The following DOCK2 variants were observed in gnomAD, a reference collection of about 807,000 sequenced individuals.
DOCK2 encodes the protein dedicator of cytokinesis 2.
DOCK2 carries 87 observed loss-of-function variants against 248.9 expected under a neutral mutation model. The observed-to-expected ratio is 0.35, with a 90% CI of 0.29 to 0.42. The LOEUF (loss-of-function observed/expected upper bound fraction) is 0.42, where lower values mean the gene tolerates loss of function less well. Among genes scored for constraint, DOCK2 ranks in the 10% least tolerant of loss-of-function variants. DOCK2 has a pLI of 1.00. For missense variants in DOCK2, 1,747 were observed against 2,300.2 expected, an observed-to-expected ratio of 0.76 and a Z score of 4.92; for synonymous variants, 805 against 821.6, an observed-to-expected ratio of 0.98 and a Z score of 0.35.
At chr5:169,785,031 G>C (rs1030679604) in intron 25 of DOCK2, among the ~76,000 whole-genome samples, 5 of 152,098 alleles carry the variant, frequency 3.3e-5, no homozygotes, top group Non-Finnish European at 7.4e-5. Context: ...TCTTATTCAT[G>C]TCATGTCCTT....
chr5:169,719,823 C>T (rs1209298517), intron 22 of DOCK2, among the ~76,000 whole-genome samples: 1 of 151,918 alleles, frequency 6.6e-6, no homozygotes, highest in African/African-American at 2.4e-5. Context: ...GGAGTCATAG[C>T]CAGGTCAGCC....
At chr5:170,081,774 C>G in intron 50 of DOCK2, 68 bp from the exon 51 acceptor site, 49 of 886,312 alleles carry the variant, frequency 5.5e-5, no homozygotes, top group East Asian at 7.4e-5. Flanking sequence ...CTCCCCCTGT[C>G]TACCTCCCCC....
intron 27 of DOCK2, among the ~76,000 whole-genome samples, chr5:169,935,654 C>T (rs940913743): frequency 4.6e-5 from 7 of 152,164 alleles, no homozygotes; most frequent in African/African-American, 7.2e-5. Context: ...TGGTGATGAA[C>T]GTTGCCGATG....
intron 36 of DOCK2, among the ~76,000 whole-genome samples, chr5:170,038,272 G>A (rs77226669): frequency 0.036 from 5,429 of 152,150 alleles, 165 homozygotes; most frequent in South Asian, 0.17. Context: ...CTCCAACCTT[G>A]TTTCTCCCCT....
At chr5:169,814,683 T>G (rs1203257518) in intron 26 of DOCK2, among the ~76,000 whole-genome samples, 1 of 152,196 alleles carries the variant, frequency 6.6e-6, no homozygotes, top group Non-Finnish European at 1.5e-5. Flanking sequence ...ATTTCAAAAT[T>G]TAAAATGTTT....
chr5:170,073,328 C>T (rs944714855), intron 46 of DOCK2, among the ~76,000 whole-genome samples: 6 of 152,098 alleles, frequency 3.9e-5, no homozygotes, highest in African/African-American at 1.4e-4. Context: ...CGGTCTATGT[C>T]CATGCTTATA....
intron 27 of DOCK2, among the ~76,000 whole-genome samples, chr5:169,859,550 G>A (rs2113399905): frequency 6.6e-6 from 1 of 152,338 alleles, no homozygotes; most frequent in African/African-American, 2.4e-5. Context: ...ACAGCAAGTT[G>A]CCTTGAGCAG....
intron 39 of DOCK2, among the ~76,000 whole-genome samples, chr5:170,046,283 C>T (rs1415426138): frequency 6.6e-6 from 1 of 152,218 alleles, no homozygotes; most frequent in Admixed American, 6.5e-5. Flanking sequence ...AGATAAATCA[C>T]ATTAAAATGC....
rs2113810334 is a variant in DOCK2, at chr5:170,008,766, C to T, written c.3232+20C>T. 1 of 1,613,764 alleles carries T rather than the reference C, an allele frequency of 6.2e-7. No homozygotes were observed. Among genetic ancestry groups the T allele is most frequent in the Non-Finnish European group, 8.5e-7 (1 of 1,179,780 alleles). ...AGCTTGGTGAGTAGGCACACACATCCAGATACTCACATCTGCAGGCACCAA... is the reference window on the plus strand; with the variant it reads ...AGCTTGGTGAGTAGGCACACACATCTAGATACTCACATCTGCAGGCACCAA... On this transcript the variant is annotated intron_variant, in intron 32 of 51. Transcript: ENST00000520908.
intron 27 of DOCK2, among the ~76,000 whole-genome samples, chr5:169,928,937 T>C (rs1027854996): frequency 6.6e-6 from 1 of 152,200 alleles, no homozygotes; most frequent in Non-Finnish European, 1.5e-5. Flanking sequence ...AACTGCGCTA[T>C]TAATTATGCC....
chr5:169,930,588 A>G (rs1775704473), intron 27 of DOCK2, among the ~76,000 whole-genome samples: 1 of 152,260 alleles, frequency 6.6e-6, no homozygotes, highest in Admixed American at 6.5e-5. Context: ...TTAAAAATGA[A>G]TGTGGTGGCT....
At chr5:169,698,068 G>T (rs537166007) in intron 10 of DOCK2, among the ~76,000 whole-genome samples, 2 of 152,212 alleles carry the variant, frequency 1.3e-5, no homozygotes, top group Non-Finnish European at 2.9e-5. Context: ...AAACCTAATT[G>T]CTGAATTCCA....
intron 29 of DOCK2, 70 bp downstream of exon 29, chr5:169,985,992 TA>T: frequency 7.4e-7 from 1 of 1,354,594 alleles, no homozygotes; most frequent in Middle Eastern, 1.9e-4. Context: ...TATTTTGGGT[TA>T]AATTAGGGAC....
chr5:169,798,965 G>A (rs1766812675), intron 25 of DOCK2, among the ~76,000 whole-genome samples: 1 of 152,194 alleles, frequency 6.6e-6, no homozygotes, highest in South Asian at 2.1e-4. Context: ...TTAAGCTCAA[G>A]GCAATTGACC....
chr5:169,804,413 A>C (rs1037843165), intron 26 of DOCK2, among the ~76,000 whole-genome samples: 1 of 151,588 alleles, frequency 6.6e-6, no homozygotes, highest in South Asian at 2.1e-4. Context: ...ATCTAGATGC[A>C]TATTTGGGGT....
At chr5:169,782,260 T>A (rs1434063191) in intron 25 of DOCK2, among the ~76,000 whole-genome samples, 1 of 152,070 alleles carries the variant, frequency 6.6e-6, no homozygotes, top group Non-Finnish European at 1.5e-5. Flanking sequence ...TGCTCCCTCT[T>A]CTAGTTTATC....
At position 170,012,030 on chromosome 5, in the gene DOCK2, C is replaced by T. The variant is rs189904155; in HGVS notation, c.3232+3284C>T. ...GATACATCATCTAATTCAACCCTGC[C>T]GATTTTATAGGTAAAGTTGCCAGAC... On this transcript the variant is annotated intron_variant, in intron 32 of 51. Coordinates refer to ENST00000520908, the MANE Select transcript of DOCK2 (RefSeq NM_004946.3). 2.9e-3 allele frequency among the ~76,000 whole-genome samples: 447 copies of T among 152,262 alleles called. 5 individuals are homozygous for T. Among genetic ancestry groups the T allele is most frequent in the Non-Finnish European group, 1.1e-3 (77 of 68,030 alleles).
chr5:169,909,460 A>C (rs557456079), intron 27 of DOCK2, among the ~76,000 whole-genome samples: 290 of 152,336 alleles, frequency 1.9e-3, no homozygotes, highest in African/African-American at 6.5e-3. Flanking sequence ...TTGAAGAAGA[A>C]AGTCTAAATA....
At chr5:169,809,718 C>T (rs79274621) in intron 26 of DOCK2, among the ~76,000 whole-genome samples, 6,066 of 152,254 alleles carry the variant, frequency 0.04, 400 homozygotes, top group East Asian at 0.3. Context: ...TTCAGTCTCT[C>T]CCATCCCACT....
Sources: gnomAD v4.1 joint callset for allele counts (sites outside exome capture counted in the v4.1 genomes callset) on GRCh38, gnomAD v4.1.1 for gene constraint, MANE v1.5 for transcripts, NCBI Gene and HGNC (gene_info 2026-07-23, HGNC 2026-07-21) for gene names.